SALL1: variants seen among roughly 807,000 people sequenced by gnomAD.
SALL1 encodes sal-like protein 1.
A neutral mutation model predicts 73.1 loss-of-function variants in SALL1; 10 were observed. That is an observed-to-expected ratio of 0.14 (90% confidence interval 0.08 to 0.23). The LOEUF is 0.23. Ranked by LOEUF, SALL1 falls within the 10% of genes least tolerant of loss-of-function variation. SALL1 has a pLI of 1.00. For missense variants in SALL1, 1,520 were observed against 1,697.3 expected, an observed-to-expected ratio of 0.90 and a Z score of 1.84; for synonymous variants, 688 against 689.8, an observed-to-expected ratio of 1.00 and a Z score of 0.04.
chr16:51,148,128 ATTTTTG>A (rs112446419), intron 1 of SALL1, among the ~76,000 whole-genome samples: 2 of 152,168 alleles, frequency 1.3e-5, no homozygotes, highest in African/African-American at 2.4e-5. Flanking sequence ...CCAAATACTC[ATTTTTG>A]TTTTTGTTTT....
chr16:51,144,548 T>C (rs191704196), intron 1 of SALL1, among the ~76,000 whole-genome samples: 1 of 152,336 alleles, frequency 6.6e-6, no homozygotes, highest in Admixed American at 6.5e-5. Flanking sequence ...TTGTACACAT[T>C]ACAATGTAGT....
In SALL1 at chr16:51,141,101, G is replaced by C; in HGVS notation, c.1121C>G (p.Ser374Cys). Residue 374 changes from serine (S) to cysteine (C), a missense_variant, in exon 2 of 3, where the codon TCC (serine) becomes TGC (cysteine). By Grantham distance (112) the Ser-to-Cys change is moderately radical. Coordinates refer to ENST00000251020, the MANE Select transcript of SALL1 (RefSeq NM_002968.3). This position sits in a 1 kb window ranked among gnomAD's most constrained non-coding sequence, Gnocchi z 5.4. Reference sequence around the variant, plus strand: ...ACTGCTTATTGCAAAAGCTGGTGAGGACGATGATGAGACCGCTGGGTTGCT... The same window carrying C: ...ACTGCTTATTGCAAAAGCTGGTGAGCACGATGATGAGACCGCTGGGTTGCT... ...HVSNPAVSSS[S>C]SPAFAISSLL... The C allele has an allele frequency of 6.2e-7, 1 of 1,614,236 alleles. No individual in the cohort carries two copies. The highest frequency in any genetic ancestry group is 8.5e-7 in the Non-Finnish European group (1 of 1,180,038).
intron 1 of SALL1, among the ~76,000 whole-genome samples, chr16:51,150,030 G>C (rs913214717): frequency 2.0e-5 from 3 of 152,194 alleles, no homozygotes; most frequent in Non-Finnish European, 4.4e-5. Context: ...ACCCGAGTCC[G>C]GGCGCCGCTA....
chr16:51,150,976 G>C (rs974324928), intron 1 of SALL1, 190 bp downstream of exon 1: 3 of 414,834 alleles, frequency 7.2e-6, no homozygotes, highest in Non-Finnish European at 1.3e-5. Context: ...CCGGGGCAGC[G>C]GGGGAAAGCC....
In SALL1 at chr16:51,139,069, A is replaced by T; in HGVS notation, c.3153T>A (p.His1051Gln). Residue 1051 changes from histidine (H) to glutamine (Q), a missense_variant, in exon 2 of 3, where the codon CAT (histidine) becomes CAA (glutamine). Physicochemically the swap from His to Gln is conservative, Grantham distance 24. Around this residue, in one of 7 missense-constraint regions of SALL1, gnomAD observed 318 missense variants for 357.1 expected, o/e 0.89. Transcript: ENST00000251020. ...KGNLKQHMLT[H>Q]QMRDLPSQLF... ...GCTGGGATGGCAGATCTCGCATCTG[A>T]TGTGTCAACATGTGCTGCTTCAAAT... The T allele has an allele frequency of 6.2e-7, 1 of 1,614,210 alleles. No individual in the cohort carries two copies. The highest frequency in any genetic ancestry group is 8.5e-7 in the Non-Finnish European group (1 of 1,180,050).
intron 1 of SALL1, chr16:51,143,553 T>C (rs1962475171): frequency 6.2e-6 from 1 of 160,162 alleles, no homozygotes; most frequent in African/African-American, 2.4e-5. Flanking sequence ...TAATTGCAGA[T>C]ATGAATAAAT....
chr16:51,136,154 TAAAC>T lies in SALL1; in HGVS notation c.*954_*957del, dbSNP rs1250863186. The T allele has an allele frequency of 1.3e-5, 2 of 152,526 alleles. No individual in the cohort carries two copies. The highest frequency in any genetic ancestry group is 2.9e-5 in the Non-Finnish European group (2 of 68,000). The allele number at this position is 152,526 out of a possible 1,614,324, so 9.4% of individuals were successfully genotyped here. On this transcript the variant is annotated 3_prime_UTR_variant, in exon 3 of 3. Coordinates refer to ENST00000251020, the MANE Select transcript of SALL1 (RefSeq NM_002968.3). The stretch of plus-strand genomic sequence containing the variant: ...TTTTTCTTCCATACCTAAGACAAAA[TAAAC>T]AAACACTATACCTGCTCTCTTGATC...
rs1962304186 is a variant in SALL1, at chr16:51,136,574, A to T, written c.*538T>A. ...AAAAATTAAAAAACCAAACCTTTCA[A>T]AGAACCACACTGTTCAGTCTGTACT... On this transcript the variant is annotated 3_prime_UTR_variant, in exon 3 of 3. Coordinates refer to ENST00000251020, the MANE Select transcript of SALL1 (RefSeq NM_002968.3). 1 of 152,920 alleles carries T rather than the reference A, an allele frequency of 6.5e-6. No individual in the cohort carries two copies. Among genetic ancestry groups the T allele is most frequent in the African/African-American group, 2.4e-5 (1 of 41,464 alleles). 9.5% of individuals were successfully genotyped at this position (152,920 alleles called of 1,614,324 possible).
rs773557128 is a variant in SALL1, at chr16:51,140,370, G to A, written c.1852C>T (p.Pro618Ser). 6.2e-7 allele frequency: 1 copy of A among 1,614,150 alleles called. No individual in the cohort carries two copies. The highest frequency in any genetic ancestry group is 1.7e-5 in the Admixed American group (1 of 60,036). The part of the protein sequence containing the change: ...LPEEAEGSTL[P>S]PSGGKSEESG... ...TCTTCGCTTTTGCCACCAGAGGGTG[G>A]CAGAGTGGACCCTTCGGCTTCCTCT... Residue 618 changes from proline to serine, a missense_variant, in exon 2 of 3, where the codon CCA becomes TCA. Physicochemically the swap from Pro to Ser is moderately conservative, Grantham distance 74. This residue lies in a region of SALL1 where 276 missense variants were observed against 259.1 expected (regional missense o/e 1.07). Transcript: ENST00000251020. The surrounding 1 kb of genome is among the most constrained non-coding windows in gnomAD (Gnocchi z 5.7).
chr16:51,151,107 G>A, intron 1 of SALL1, 59 bp downstream of exon 1: 1 of 1,309,572 alleles, frequency 7.6e-7, no homozygotes, highest in Non-Finnish European at 1.0e-6. Flanking sequence ...GAGTGGGTCC[G>A]AGTGTGCGTG....
chr16:51,143,395 G>A, intron 1 of SALL1: 1 of 371,932 alleles, frequency 2.7e-6, no homozygotes, highest in Non-Finnish European at 5.3e-6. Context: ...ATGGTGTGTG[G>A]TCATCTACGA....
intron 1 of SALL1, chr16:51,143,107 G>C (rs570227442): frequency 3.6e-4 from 58 of 160,564 alleles, no homozygotes; most frequent in African/African-American, 1.3e-3. Context: ...TCTTGGTTTA[G>C]AGTTTGAAAA....
intron 2 of SALL1, among the ~76,000 whole-genome samples, chr16:51,138,192 A>T (rs971251643): frequency 6.6e-6 from 1 of 152,236 alleles, no homozygotes. Flanking sequence ...ATAATCAATT[A>T]TCATAATACC....
chr16:51,141,421 A>G lies in SALL1; in HGVS notation c.801T>C (p.Ser267=). ...LASQNADLPT[S]SSPSQGTLRT... ...GTAAAGTACCTTGAGAAGGACTAGA[A>G]GATGTTGGCAAGTCTGCATTCTGAG... is the stretch of plus-strand genomic sequence containing the variant. Residue 267 remains serine, a synonymous_variant, in exon 2 of 3, where the codon TCT becomes TCC. Transcript: ENST00000251020. This position sits in a 1 kb window ranked among gnomAD's most constrained non-coding sequence, Gnocchi z 5.4. 2 of 1,614,156 alleles carry G rather than the reference A, an allele frequency of 1.2e-6. No individual in the cohort carries two copies.
At chr16:51,142,407 G>A (rs542511628) in intron 1 of SALL1, among the ~76,000 whole-genome samples, 1 of 152,222 alleles carries the variant, frequency 6.6e-6, no homozygotes, top group East Asian at 1.9e-4. Flanking sequence ...GGGAGACATT[G>A]GTGCATGATG....
intron 1 of SALL1, among the ~76,000 whole-genome samples, chr16:51,147,495 G>A (rs1321809739): frequency 6.6e-6 from 1 of 151,798 alleles, no homozygotes; most frequent in African/African-American, 2.4e-5. Context: ...CTAACCTTTT[G>A]GGCCCAGAGA....
Position 51,151,174 on chromosome 16 carries a change from C to T in SALL1, c.68G>A (p.Arg23Gln), listed in dbSNP as rs746897620. ...CGGGCCGGAGCACTCACCATCTCGC[C>T]GGGGGAGCGAGGCCACTTCGGGGTC... ...QSDPEVASLP[R>Q]RDGDTEKGQP... The change falls in exon 1 of 3, where the codon CGG (arginine) becomes CAG (glutamine). Residue 23 changes from arginine to glutamine, a missense_variant. Transcript: ENST00000251020. 8.1e-6 allele frequency: 13 copies of T among 1,596,114 alleles called. No individual in the cohort carries two copies. In the East Asian group the frequency reaches 1.6e-4, roughly 20 times the overall value.
intron 1 of SALL1, among the ~76,000 whole-genome samples, chr16:51,142,633 G>GA (rs545474940): frequency 2.0e-3 from 304 of 152,102 alleles, no homozygotes; most frequent in Middle Eastern, 3.4e-3. Flanking sequence ...TGACAAGGGG[G>GA]AAAAAAATGC....
At chr16:51,151,054 C>G in intron 1 of SALL1, 112 bp downstream of exon 1, 2 of 593,866 alleles carry the variant, frequency 3.4e-6, no homozygotes, top group Non-Finnish European at 2.7e-6. Context: ...CAATCGGGGC[C>G]GCGGCGGCGG....
Sources: allele counts gnomAD v4.1 joint callset (sites outside exome capture counted in the v4.1 genomes callset), GRCh38; gene constraint gnomAD v4.1.1; regional missense constraint gnomAD v4.1.1; non-coding constraint Gnocchi (gnomAD v3.1); transcripts MANE v1.5; gene names NCBI Gene and HGNC (gene_info 2026-07-23, HGNC 2026-07-21).